FYN: variants seen among roughly 807,000 people sequenced by gnomAD.
FYN encodes the protein FYN proto-oncogene, Src family tyrosine kinase.
FYN carries 10 observed loss-of-function variants against 70.2 expected under a neutral mutation model. The ratio of observed to expected loss-of-function variants is 0.14; its 90% confidence interval spans 0.09 to 0.24. The LOEUF (loss-of-function observed/expected upper bound fraction) is 0.24, where lower values mean the gene tolerates loss of function less well. Among genes scored for constraint, FYN ranks in the 10% least tolerant of loss-of-function variants. The probability of loss-of-function intolerance (pLI) is 1.00; values close to 1 mark genes in which losing one functional copy is unlikely to be tolerated. For synonymous variants in FYN, 236 were observed against 248.6 expected, an observed-to-expected ratio of 0.95 and a Z score of 0.48; for missense variants, 319 against 673.1, an observed-to-expected ratio of 0.47 and a Z score of 5.82.
In FYN at chr6:111,697,428, T is replaced by A. The variant is rs537860251; in HGVS notation, c.863-972A>T. On this transcript the variant is annotated intron_variant, in intron 9 of 13. Transcript: ENST00000354650. ...ATTTGAAAAAGAAGACTGGTTTAAATTAAGATTTTTATATTTAATATAACT... is the reference window on the plus strand; with the variant it reads ...ATTTGAAAAAGAAGACTGGTTTAAAATAAGATTTTTATATTTAATATAACT... Among the ~76,000 whole-genome samples, 7 of 152,322 alleles carry A rather than the reference T, an allele frequency of 4.6e-5. No homozygotes were observed. The East Asian group carries it at 1.3e-3, about 29-fold the overall frequency.
chr6:111,873,163 G>A lies in FYN; in HGVS notation c.-318C>T, dbSNP rs1774339596. On this transcript the variant is annotated 5_prime_UTR_variant, in exon 1 of 14. Transcript: ENST00000354650. ...CCCTGGCGCGGGCGGCGGCCGCCGGGCGGTGCGGCGCGGGCGGCGGCTTTG... is the reference window on the plus strand; with the variant it reads ...CCCTGGCGCGGGCGGCGGCCGCCGGACGGTGCGGCGCGGGCGGCGGCTTTG... 1.4e-5 allele frequency: 2 copies of A among 146,620 alleles called. No homozygotes were observed. Among genetic ancestry groups the A allele is most frequent in the South Asian group, 4.2e-4 (2 of 4,764 alleles). The allele number at this position is 146,620 out of a possible 1,614,324, so 9.1% of individuals were successfully genotyped here.
At chr6:111,681,841 G>C (rs1235220535) in intron 12 of FYN, among the ~76,000 whole-genome samples, 1 of 152,114 alleles carries the variant, frequency 6.6e-6, no homozygotes, top group Non-Finnish European at 1.5e-5. Context: ...TGAGAAAACG[G>C]AACACCGAGA....
chr6:111,784,000 G>A (rs531110005), intron 2 of FYN, among the ~76,000 whole-genome samples: 1 of 152,314 alleles, frequency 6.6e-6, no homozygotes, highest in South Asian at 2.1e-4. Context: ...CCAGTGATTG[G>A]TTTAAGAATA....
intron 2 of FYN, among the ~76,000 whole-genome samples, chr6:111,806,681 C>T (rs1395684829): frequency 6.6e-6 from 1 of 152,186 alleles, no homozygotes; most frequent in Non-Finnish European, 1.5e-5. Flanking sequence ...TTATTACCAA[C>T]TGGGGACCAA....
chr6:111,867,020 G>A lies in FYN; in HGVS notation c.-123+5948C>T, dbSNP rs534444780. On this transcript the variant is annotated intron_variant, in intron 1 of 13. Transcript: ENST00000354650. ...AACTCTGAAGCTGGTCTAGTACTCC[G>A]CAGGCTCCTCTCCCATTCTGGGCCT... Among the ~76,000 whole-genome samples, 14 of 152,264 alleles carry A rather than the reference G, an allele frequency of 9.2e-5. No individual in the cohort carries two copies. In the East Asian group the frequency reaches 1.5e-3, roughly 17 times the overall value.
At chr6:111,844,007 C>T (rs1773444426) in intron 2 of FYN, among the ~76,000 whole-genome samples, 1 of 152,094 alleles carries the variant, frequency 6.6e-6, no homozygotes, top group South Asian at 2.1e-4. Context: ...TATATAAACT[C>T]CAAAGTAAGG....
chr6:111,725,685 C>T (rs1276111967), intron 3 of FYN, among the ~76,000 whole-genome samples: 12 of 152,210 alleles, frequency 7.9e-5, no homozygotes, highest in Admixed American at 5.9e-4. Context: ...AAAAAGCATG[C>T]AGGACTCTGC....
chr6:111,661,657 A>T lies in FYN; in HGVS notation c.*82T>A, dbSNP rs1797736223. ...ATCCTGGGCGGTTCCGCTGCTGGGG[A>T]GCAGCTGGCTACGGAATTGAAAGCT... On this transcript the variant is annotated 3_prime_UTR_variant, in exon 14 of 14. Coordinates refer to ENST00000354650, the MANE Select transcript of FYN (RefSeq NM_002037.5). The surrounding 1 kb of genome is among the most constrained non-coding windows in gnomAD (Gnocchi z 4.0). 7.5e-7 allele frequency: 1 copy of T among 1,335,340 alleles called. No homozygotes were observed. Among genetic ancestry groups the T allele is most frequent in the East Asian group, 2.3e-5 (1 of 43,276 alleles). 82.7% of individuals were successfully genotyped at this position (1,335,340 alleles called of 1,614,324 possible).
At chr6:111,852,504 G>A (rs1320764710) in intron 1 of FYN, among the ~76,000 whole-genome samples, 8 of 152,170 alleles carry the variant, frequency 5.3e-5, no homozygotes, top group Non-Finnish European at 1.2e-4. Context: ...TTGGCCAAAG[G>A]AGAATGGGGA....
At chr6:111,719,157 T>G (rs1373868706) in intron 4 of FYN, among the ~76,000 whole-genome samples, 1 of 152,164 alleles carries the variant, frequency 6.6e-6, no homozygotes, top group Non-Finnish European at 1.5e-5. Context: ...AGAGAAAATT[T>G]GGATGACTAG....
At chr6:111,818,239 G>A (rs1470278088) in intron 2 of FYN, among the ~76,000 whole-genome samples, 4 of 152,154 alleles carry the variant, frequency 2.6e-5, no homozygotes, top group East Asian at 3.8e-4. Context: ...AGGGACCACT[G>A]GGAGAAAACA....
intron 1 of FYN, among the ~76,000 whole-genome samples, chr6:111,862,561 A>T (rs1257107875): frequency 6.6e-6 from 1 of 152,154 alleles, no homozygotes; most frequent in African/African-American, 2.4e-5. Flanking sequence ...GAGTATCCAC[A>T]CTGTGAATGA....
chr6:111,779,069 C>G (rs1351105443), intron 3 of FYN, among the ~76,000 whole-genome samples: 1 of 151,408 alleles, frequency 6.6e-6, no homozygotes, highest in Non-Finnish European at 1.5e-5. Flanking sequence ...CAACAGCAAG[C>G]TCCTCATCTC....
chr6:111,692,981 G>C (rs1306334781), intron 12 of FYN, among the ~76,000 whole-genome samples: 2 of 152,246 alleles, frequency 1.3e-5, no homozygotes, highest in Non-Finnish European at 2.9e-5. Flanking sequence ...TGTAACGCAC[G>C]GGTATGCTTG....
intron 1 of FYN, among the ~76,000 whole-genome samples, chr6:111,847,167 C>T (rs1051008840): frequency 2.0e-5 from 3 of 152,224 alleles, no homozygotes; most frequent in Non-Finnish European, 2.9e-5. Context: ...TTCCCCTCTG[C>T]AGGAGGTTTG....
At chr6:111,770,851 G>T (rs1803422313) in intron 3 of FYN, among the ~76,000 whole-genome samples, 1 of 152,026 alleles carries the variant, frequency 6.6e-6, no homozygotes, top group African/African-American at 2.4e-5. Context: ...ACTCTCTATC[G>T]TAAGAATGGC....
chr6:111,674,937 A>G (rs1798467103), intron 12 of FYN, among the ~76,000 whole-genome samples: 1 of 152,166 alleles, frequency 6.6e-6, no homozygotes, highest in Non-Finnish European at 1.5e-5. Context: ...GTTTTAATAA[A>G]CATACATAGG....
chr6:111,762,850 G>A (rs1439266348), intron 3 of FYN, among the ~76,000 whole-genome samples: 4 of 151,872 alleles, frequency 2.6e-5, no homozygotes, highest in East Asian at 1.9e-4. Context: ...TGCCACCACA[G>A]GTAACTAAAA....
intron 12 of FYN, among the ~76,000 whole-genome samples, chr6:111,677,649 A>G (rs1309702195): frequency 6.6e-6 from 1 of 152,224 alleles, no homozygotes; most frequent in Non-Finnish European, 1.5e-5. Context: ...GTAAGTTAGG[A>G]GACTTCAGAC....
Sources: gnomAD v4.1 joint callset for allele counts (sites outside exome capture counted in the v4.1 genomes callset) on GRCh38, gnomAD v4.1.1 for gene constraint, Gnocchi (gnomAD v3.1) non-coding constraint, MANE v1.5 for transcripts, NCBI Gene and HGNC (gene_info 2026-07-23, HGNC 2026-07-21) for gene names.